The following IL33 variants were observed in gnomAD, a reference collection of about 807,000 sequenced individuals.
The protein encoded by IL33 is interleukin 33.
In IL33, 37 loss-of-function variants were observed where a neutral mutation model predicts 27.3. The ratio of observed to expected loss-of-function variants is 1.36; its 90% CI spans 1.04 to 1.78. IL33 has a LOEUF of 1.78. Among genes scored for constraint, IL33 ranks in the 40% most tolerant of loss-of-function variants. IL33 has a pLI of 0.00. For missense variants in IL33, 406 were observed against 311.4 expected, an observed-to-expected ratio of 1.30 and a Z score of -2.29; for synonymous variants, 132 against 102.9, an observed-to-expected ratio of 1.28 and a Z score of -1.71.
intron 1 of IL33, among the ~76,000 whole-genome samples, chr9:6,225,437 C>T (rs992991764): frequency 1.3e-5 from 2 of 152,120 alleles, no homozygotes; most frequent in Non-Finnish European, 2.9e-5. Context: ...GTCCTGGCTC[C>T]ACCACATACC....
At position 6,251,239 on chromosome 9, in the gene IL33, G is replaced by C. The variant is rs1564072164; in HGVS notation, c.317G>C (p.Arg106Thr). 1 of 1,613,638 alleles carries C rather than the reference G, an allele frequency of 6.2e-7. No homozygotes were observed. Among genetic ancestry groups the C allele is most frequent in the East Asian group, 2.2e-5 (1 of 44,884 alleles). Residue 106 changes from arginine (R) to threonine (T), a missense_variant, in exon 4 of 8, where the codon AGA becomes ACA. Coordinates refer to ENST00000682010, the MANE Select transcript of IL33 (RefSeq NM_033439.4). ...ATATCAGGGGTCCAGAAATATACTA[G>C]AGCACTTCATGATTCAAGTATCACA... ...FGISGVQKYT[R>T]ALHDSSITGI...
chr9:6,226,206 G>C (rs569660965), intron 1 of IL33, among the ~76,000 whole-genome samples: 20 of 151,778 alleles, frequency 1.3e-4, no homozygotes, highest in African/African-American at 4.8e-4. Flanking sequence ...AAGAGATGGG[G>C]CCTCGCTATG....
At chr9:6,241,319 T>C (rs745358212) in intron 1 of IL33, among the ~76,000 whole-genome samples, 1 of 152,232 alleles carries the variant, frequency 6.6e-6, no homozygotes, top group African/African-American at 2.4e-5. Flanking sequence ...GTGCTATACT[T>C]TTATACAACT....
chr9:6,217,154 A>G (rs1205917033), intron 1 of IL33, among the ~76,000 whole-genome samples: 1 of 151,482 alleles, frequency 6.6e-6, no homozygotes, highest in Non-Finnish European at 1.5e-5. Context: ...GCCACAGAGT[A>G]GTCACTGGTC....
Position 6,239,220 on chromosome 9 carries a change from T to C in IL33, c.-11-2464T>C, listed in dbSNP as rs561563164. ...AATTTCAAATTTCATATACATTCAG[T>C]TGGCCTCAGTGAACACATTCCTTTC... On this transcript the variant is annotated intron_variant, in intron 1 of 7. Coordinates refer to ENST00000682010, the MANE Select transcript of IL33 (RefSeq NM_033439.4). Among the ~76,000 whole-genome samples the C allele has an allele frequency of 2.6e-5, 4 of 152,304 alleles. No individual in the cohort carries two copies. The South Asian group carries it at 8.3e-4, about 32-fold the overall frequency.
intron 2 of IL33, among the ~76,000 whole-genome samples, chr9:6,245,916 G>T (rs1449886987): frequency 6.6e-6 from 1 of 151,134 alleles, no homozygotes; most frequent in African/African-American, 2.4e-5. Flanking sequence ...ACAAAAAATT[G>T]CCTGGGCATG....
Position 6,251,274 on chromosome 9 carries a change from G to C in IL33, c.343+9G>C. 2 of 1,612,420 alleles carry C rather than the reference G, an allele frequency of 1.2e-6. No individual in the cohort carries two copies. Among genetic ancestry groups the C allele is most frequent in the Non-Finnish European group, 1.7e-6 (2 of 1,178,928 alleles). ...TGATTCAAGTATCACAGGTATGACT[G>C]GTTACAGGGGTGATGTGGGAGTGAG... On this transcript the variant is annotated intron_variant, in intron 4 of 7. Transcript: ENST00000682010.
Position 6,256,362 on chromosome 9 carries a change from T to A in IL33, c.*194T>A. ...ATTCTTTTATTTCCCTCTGTATAAC[T>A]GCATCTTCAATACAAGTATCAGTAT... On this transcript the variant is annotated 3_prime_UTR_variant, in exon 8 of 8. Transcript: ENST00000682010. 1 of 571,576 alleles carries A rather than the reference T, an allele frequency of 1.7e-6. No homozygotes were observed. Among genetic ancestry groups the A allele is most frequent in the African/African-American group, 1.9e-5 (1 of 53,384 alleles). The allele number at this position is 571,576 out of a possible 1,614,324, so 35.4% of individuals were successfully genotyped here.
At chr9:6,235,682 T>A (rs1819161299) in intron 1 of IL33, among the ~76,000 whole-genome samples, 1 of 152,106 alleles carries the variant, frequency 6.6e-6, no homozygotes, top group South Asian at 2.1e-4. Flanking sequence ...TTATAGAAAT[T>A]AACAATACAC....
chr9:6,245,645 A>G (rs1381002745), intron 2 of IL33, among the ~76,000 whole-genome samples: 1 of 152,234 alleles, frequency 6.6e-6, no homozygotes, highest in East Asian at 1.9e-4. Context: ...ACAACAGAAT[A>G]GAGAGGACGG....
chr9:6,247,050 CAGAT>C (rs1469864764), intron 2 of IL33, among the ~76,000 whole-genome samples: 1 of 152,176 alleles, frequency 6.6e-6, no homozygotes, highest in Non-Finnish European at 1.5e-5. Context: ...GAAAGAAAAA[CAGAT>C]AGAAAGCTCA....
At chr9:6,218,208 G>T (rs1464471990) in intron 1 of IL33, among the ~76,000 whole-genome samples, 1 of 152,106 alleles carries the variant, frequency 6.6e-6, no homozygotes, top group Non-Finnish European at 1.5e-5. Context: ...AAGGATCCTG[G>T]ACCTTCTACC....
At chr9:6,245,092 C>T (rs1013658747) in intron 2 of IL33, among the ~76,000 whole-genome samples, 3 of 152,138 alleles carry the variant, frequency 2.0e-5, no homozygotes, top group Non-Finnish European at 4.4e-5. Context: ...ACTTTCTTTC[C>T]CCCACATCCA....
At chr9:6,229,487 G>A (rs1039280107) in intron 1 of IL33, among the ~76,000 whole-genome samples, 2 of 152,202 alleles carry the variant, frequency 1.3e-5, no homozygotes, top group African/African-American at 4.8e-5. Flanking sequence ...CCAAGAACAA[G>A]AAGACGTGCG....
intron 1 of IL33, among the ~76,000 whole-genome samples, chr9:6,234,633 C>T (rs1320632128): frequency 1.3e-5 from 2 of 152,156 alleles, no homozygotes; most frequent in East Asian, 1.9e-4. Context: ...CTATGAAGTA[C>T]CTGTAGCACT....
rs1255038234 is a variant in IL33, at chr9:6,250,461, T to C, written c.92-13T>C. ...TGGAATGAAACAGTCTCACAAGTTTTTCAATTGTTTAGAATCCCAACAGAA... is the reference window on the plus strand; with the variant it reads ...TGGAATGAAACAGTCTCACAAGTTTCTCAATTGTTTAGAATCCCAACAGAA... On this transcript the variant is annotated splice_polypyrimidine_tract_variant and intron_variant, in intron 2 of 7. Coordinates refer to ENST00000682010, the MANE Select transcript of IL33 (RefSeq NM_033439.4). 1 of 1,611,242 alleles carries C rather than the reference T, an allele frequency of 6.2e-7. No individual in the cohort carries two copies. The highest frequency in any genetic ancestry group is 2.2e-5 in the East Asian group (1 of 44,852).
chr9:6,257,478 A>G lies in IL33; in HGVS notation c.*1310A>G, dbSNP rs1816803383. 3 of 152,576 alleles carry G rather than the reference A, an allele frequency of 2.0e-5. No individual in the cohort carries two copies. The South Asian group carries it at 6.2e-4, about 32-fold the overall frequency. The allele number at this position is 152,576 out of a possible 1,614,324, so 9.5% of individuals were successfully genotyped here. ...ATTAATGGCAATATTTTTTTGCTAAACGTTTTTGTTTTTTACTGTCACTAG... is the reference window on the plus strand; with the variant it reads ...ATTAATGGCAATATTTTTTTGCTAAGCGTTTTTGTTTTTTACTGTCACTAG... On this transcript the variant is annotated 3_prime_UTR_variant, in exon 8 of 8. Coordinates refer to ENST00000682010, the MANE Select transcript of IL33 (RefSeq NM_033439.4).
At position 6,229,472 on chromosome 9, in the gene IL33, C is replaced by G. The variant is rs560687878; in HGVS notation, c.-11-12212C>G. Among the ~76,000 whole-genome samples, 5 of 152,338 alleles carry G rather than the reference C, an allele frequency of 3.3e-5. No homozygotes were observed. The South Asian group carries it at 1.0e-3, about 32-fold the overall frequency. On this transcript the variant is annotated intron_variant, in intron 1 of 7. Coordinates refer to ENST00000682010, the MANE Select transcript of IL33 (RefSeq NM_033439.4). ...TTTTAAAAATGCTTTACAAAGAGCA[C>G]TGACCCAAGAACAAGAAGACGTGCG...
intron 1 of IL33, among the ~76,000 whole-genome samples, chr9:6,223,175 A>T (rs2130111719): frequency 6.6e-6 from 1 of 152,228 alleles, no homozygotes; most frequent in Non-Finnish European, 1.5e-5. Context: ...TTGATTTTCA[A>T]AGTCTTGGCA....
Sources: gnomAD v4.1 joint callset for allele counts (sites outside exome capture counted in the v4.1 genomes callset) on GRCh38, gnomAD v4.1.1 for gene constraint, MANE v1.5 for transcripts, NCBI Gene and HGNC (gene_info 2026-07-23, HGNC 2026-07-21) for gene names.